SUCNR1: variants seen among roughly 807,000 people sequenced by gnomAD.
The protein encoded by SUCNR1 is G-protein coupled receptor 91.
SUCNR1 carries 5 observed loss-of-function variants against 2.4 expected under a neutral mutation model. That is an observed-to-expected ratio of 2.07 (90% CI 1.08 to 4.36). The LOEUF (loss-of-function observed/expected upper bound fraction) is 4.36, where lower values mean the gene tolerates loss of function less well. SUCNR1 is among the 30% of genes most tolerant of loss of function. The pLI is 0.00. For synonymous variants in SUCNR1, 162 were observed against 143.9 expected (o/e 1.13, Z -0.90); for missense variants, 373 against 399.2 (o/e 0.93, Z 0.56).
In SUCNR1 at chr3:151,880,625, A is replaced by AT. The variant is rs1308851452; in HGVS notation, c.88dup (p.Tyr30LeufsTer4). On this transcript the variant is annotated frameshift_variant, in exon 3 of 3. Transcript: ENST00000362032. LOFTEE classifies it low-confidence loss of function (END_TRUNC). ...TGCCCTGGAAAAGTACTACCTTTCCATTTTTTATGGGATTGAGTTCGTTGT... is the reference window on the plus strand; with the variant it reads ...TGCCCTGGAAAAGTACTACCTTTCCATTTTTTTATGGGATTGAGTTCGTTGT... 4 of 1,613,884 alleles carry AT rather than the reference A, an allele frequency of 2.5e-6. No individual in the cohort carries two copies. Among genetic ancestry groups the AT allele is most frequent in the East Asian group, 4.5e-5 (2 of 44,890 alleles).
At position 151,883,739 on chromosome 3, in the gene SUCNR1, T is replaced by C. The variant is rs1718172022; in HGVS notation, c.*2191T>C. The stretch of plus-strand genomic sequence containing the variant: ...TAAAGGAAATAATATTGAGCTTTTG[T>C]ATTTTGTCTTTTAATTGGCTCCCTG... On this transcript the variant is annotated 3_prime_UTR_variant, in exon 3 of 3. Coordinates refer to ENST00000362032, the MANE Select transcript of SUCNR1 (RefSeq NM_033050.6). 2 of 151,940 alleles carry C rather than the reference T, an allele frequency of 1.3e-5. No homozygotes were observed. Among genetic ancestry groups the C allele is most frequent in the Admixed American group, 6.6e-5 (1 of 15,246 alleles). The allele number at this position is 151,940 out of a possible 1,614,324, so 9.4% of individuals were successfully genotyped here. A position where few individuals can be genotyped will look rare whatever the true frequency, so the allele number is the denominator to read the frequency against.
rs1323041481 is a variant in SUCNR1 at position 151,882,871 on chromosome 3, A to T, written c.*1323A>T. 6.6e-6 allele frequency: 1 copy of T among 152,158 alleles called. No homozygotes were observed. Among genetic ancestry groups the T allele is most frequent in the Non-Finnish European group, 1.5e-5 (1 of 67,984 alleles). 9.4% of individuals were successfully genotyped at this position (152,158 alleles called of 1,614,324 possible). A position where few individuals can be genotyped will look rare whatever the true frequency, so the allele number is the denominator to read the frequency against. On this transcript the variant is annotated 3_prime_UTR_variant, in exon 3 of 3. Coordinates refer to ENST00000362032, the MANE Select transcript of SUCNR1 (RefSeq NM_033050.6). ...ACATAATAATTCCTTGATATGCAAC[A>T]TAAAGTACCTATGGCCACATATCTA...
intron 1 of SUCNR1, among the ~76,000 whole-genome samples, 191 bp downstream of exon 1, chr3:151,873,897 T>G (rs1475171825): frequency 6.6e-6 from 1 of 151,938 alleles, no homozygotes; most frequent in Non-Finnish European, 1.5e-5. Flanking sequence ...TTCAACAAAT[T>G]AACTGTCTTC....
chr3:151,883,632 T>C lies in SUCNR1; in HGVS notation c.*2084T>C, dbSNP rs1424957257. 1 of 151,664 alleles carries C rather than the reference T, an allele frequency of 6.6e-6. No homozygotes were observed. Among genetic ancestry groups the C allele is most frequent in the Non-Finnish European group, 1.5e-5 (1 of 67,852 alleles). The allele number at this position is 151,664 out of a possible 1,614,324, so 9.4% of individuals were successfully genotyped here. On this transcript the variant is annotated 3_prime_UTR_variant, in exon 3 of 3. Coordinates refer to ENST00000362032, the MANE Select transcript of SUCNR1 (RefSeq NM_033050.6). ...GGCCCTAAACTAAAATTATAAGAGC[T>C]ATTTCATTTGCTTGTTGTACTGGGT...
Position 151,881,291 on chromosome 3 carries a change from G to A in SUCNR1, c.748G>A (p.Val250Ile), listed in dbSNP as rs778527962. 34 of 1,614,024 alleles carry A rather than the reference G, an allele frequency of 2.1e-5. No individual in the cohort carries two copies. Among genetic ancestry groups the A allele is most frequent in the Middle Eastern group, 3.3e-4 (2 of 6,084 alleles). ...CTCTGTGCTTTTTACACCCTATCAC[G>A]TCATGCGGAATGTGAGGATCGCTTC... is the stretch of plus-strand genomic sequence containing the variant. ...IFSVLFTPYH[V>I]MRNVRIASRL... Residue 250 changes from valine (V) to isoleucine (I), a missense_variant, in exon 3 of 3, where the codon GTC becomes ATC. Val to Ile is a conservative substitution (Grantham distance 29). Around this residue, in one of 3 missense-constraint regions of SUCNR1, gnomAD observed 157 missense variants for 178.7 expected, o/e 0.88. Coordinates refer to ENST00000362032, the MANE Select transcript of SUCNR1 (RefSeq NM_033050.6).
Position 151,881,370 on chromosome 3 carries a change from T to C in SUCNR1, c.827T>C (p.Phe276Ser). Residue 276 changes from phenylalanine to serine, a missense_variant, in exon 3 of 3, where the codon TTT becomes TCT. By Grantham distance (155) the Phe-to-Ser change is radical. Transcript: ENST00000362032. ...TGCACTCAGGTCGTCATCAACTCCTTTTACATTGTGACACGGCCTTTGGCC... is the reference window on the plus strand; with the variant it reads ...TGCACTCAGGTCGTCATCAACTCCTCTTACATTGTGACACGGCCTTTGGCC... ...YQCTQVVINS[F>S]YIVTRPLAFL... The C allele has an allele frequency of 2.5e-6, 4 of 1,614,188 alleles. No individual in the cohort carries two copies. The highest frequency in any genetic ancestry group is 2.7e-5 in the African/African-American group (2 of 75,054).
chr3:151,878,788 A>G (rs919820141), intron 1 of SUCNR1, among the ~76,000 whole-genome samples: 9 of 152,188 alleles, frequency 5.9e-5, no homozygotes. Context: ...TATTAAACTT[A>G]TATCTACAAT....
rs1718077851 is a variant in SUCNR1, at chr3:151,880,982, T to A, written c.439T>A (p.Trp147Arg). The A allele has an allele frequency of 6.2e-7, 1 of 1,614,046 alleles. No individual in the cohort carries two copies. ...TGCTATTTTAATCTCCTTGGCCATT[T>A]GGGTTTTAGTAACCTTAGAGTTACT... ...EFAILISLAI[W>R]VLVTLELLPI... Residue 147 changes from tryptophan to arginine, a missense_variant, in exon 3 of 3, where the codon TGG (tryptophan) becomes AGG (arginine). By Grantham distance (101) the Trp-to-Arg change is moderately radical. Transcript: ENST00000362032.
In SUCNR1 at chr3:151,884,083, C is replaced by T. The variant is rs998614193; in HGVS notation, c.*2535C>T. 2 of 152,142 alleles carry T rather than the reference C, an allele frequency of 1.3e-5. No homozygotes were observed. Among genetic ancestry groups the T allele is most frequent in the African/African-American group, 4.8e-5 (2 of 41,430 alleles). The allele number at this position is 152,142 out of a possible 1,614,324, so 9.4% of individuals were successfully genotyped here. A position where few individuals can be genotyped will look rare whatever the true frequency, so the allele number is the denominator to read the frequency against. ...GGGGCTTCAGATACTTTTAATACTA[C>T]TTATTTGAATTTCATTATTTTTATT... On this transcript the variant is annotated 3_prime_UTR_variant, in exon 3 of 3. Coordinates refer to ENST00000362032, the MANE Select transcript of SUCNR1 (RefSeq NM_033050.6).
intron 1 of SUCNR1, among the ~76,000 whole-genome samples, chr3:151,877,467 T>C (rs759932030): frequency 7.9e-5 from 12 of 151,900 alleles, no homozygotes; most frequent in African/African-American, 1.7e-4. Flanking sequence ...TAGAGCAAAA[T>C]AGAGATAAGA....
Position 151,881,392 on chromosome 3 carries a change from G to T in SUCNR1, c.849G>T (p.Leu283Phe). The change falls in exon 3 of 3, where the codon TTG becomes TTT. Residue 283 changes from leucine (L) to phenylalanine (F), a missense_variant. Physicochemically the swap from Leu to Phe is conservative, Grantham distance 22. Around this residue, in one of 3 missense-constraint regions of SUCNR1, gnomAD observed 157 missense variants for 178.7 expected, o/e 0.88. Transcript: ENST00000362032. ...CCTTTTACATTGTGACACGGCCTTT[G>T]GCCTTTCTGAACAGTGTCATCAACC... is the stretch of plus-strand genomic sequence containing the variant. ...INSFYIVTRP[L>F]AFLNSVINPV... 1 of 1,614,134 alleles carries T rather than the reference G, an allele frequency of 6.2e-7. No homozygotes were observed. Among genetic ancestry groups the T allele is most frequent in the African/African-American group, 1.3e-5 (1 of 75,034 alleles).
At chr3:151,878,700 G>A (rs1717994850) in intron 1 of SUCNR1, among the ~76,000 whole-genome samples, 1 of 152,090 alleles carries the variant, frequency 6.6e-6, no homozygotes. Context: ...TTAGTGGCAG[G>A]TTGCCATAGA....
intron 1 of SUCNR1, 49 bp from the exon 2 acceptor site, chr3:151,879,803 C>A: frequency 1.2e-6 from 1 of 868,420 alleles, no homozygotes; most frequent in Non-Finnish European, 1.7e-6. Context: ...CAAGTAAAAG[C>A]TTAAAATAGT....
At position 151,881,040 on chromosome 3, in the gene SUCNR1, C is replaced by T. The variant is rs138549338; in HGVS notation, c.497C>T (p.Thr166Ile). The T allele has an allele frequency of 2.3e-5, 37 of 1,614,176 alleles. No individual in the cohort carries two copies. In the African/African-American group the frequency reaches 4.3e-4, roughly 19 times the overall value. Reference sequence around the variant, plus strand: ...CTTCCCCTTATAAATCCTGTTATAACTGACAATGGCACCACCTGTAATGAT... The same window carrying T: ...CTTCCCCTTATAAATCCTGTTATAATTGACAATGGCACCACCTGTAATGAT... ...PILPLINPVI[T>I]DNGTTCNDFA... Residue 166 changes from threonine (T) to isoleucine (I), a missense_variant, in exon 3 of 3, where the codon ACT becomes ATT. Physicochemically the swap from Thr to Ile is moderately conservative, Grantham distance 89. Coordinates refer to ENST00000362032, the MANE Select transcript of SUCNR1 (RefSeq NM_033050.6).
In SUCNR1 at chr3:151,881,230, G is replaced by A; in HGVS notation, c.687G>A (p.Lys229=). 6.2e-7 allele frequency: 1 copy of A among 1,614,168 alleles called. No individual in the cohort carries two copies. The highest frequency in any genetic ancestry group is 1.3e-5 in the African/African-American group (1 of 75,032). ...RQVATALPLE[K]PLNLVIMAVV... Reference sequence around the variant, plus strand: ...TTGCTACTGCTCTGCCCCTTGAAAAGCCTCTCAACTTGGTCATCATGGCAG... The same window carrying A: ...TTGCTACTGCTCTGCCCCTTGAAAAACCTCTCAACTTGGTCATCATGGCAG... Residue 229 remains lysine, a synonymous_variant, in exon 3 of 3, where the codon AAG becomes AAA. Transcript: ENST00000362032.
rs1290325425 is a variant in SUCNR1 at position 151,883,929 on chromosome 3, G to T, written c.*2381G>T. On this transcript the variant is annotated 3_prime_UTR_variant, in exon 3 of 3. Coordinates refer to ENST00000362032, the MANE Select transcript of SUCNR1 (RefSeq NM_033050.6). ...CTTTGTTCACCTGTTGCCCATCTTT[G>T]TTCTATCATACCTGAATGGTATAAT... 1 of 152,010 alleles carries T rather than the reference G, an allele frequency of 6.6e-6. No individual in the cohort carries two copies. The highest frequency in any genetic ancestry group is 2.4e-5 in the African/African-American group (1 of 41,368). 9.4% of individuals were successfully genotyped at this position (152,010 alleles called of 1,614,324 possible).
chr3:151,875,361 G>A (rs1717891682), intron 1 of SUCNR1, among the ~76,000 whole-genome samples: 1 of 152,014 alleles, frequency 6.6e-6, no homozygotes, highest in Non-Finnish European at 1.5e-5. Flanking sequence ...GAATTGCGAT[G>A]CCACACTAAA....
At chr3:151,874,724 T>G (rs1426394035) in intron 1 of SUCNR1, among the ~76,000 whole-genome samples, 1 of 152,158 alleles carries the variant, frequency 6.6e-6, no homozygotes, top group Non-Finnish European at 1.5e-5. Flanking sequence ...TAATTTCTGG[T>G]GTAATGTATG....
chr3:151,880,972 C>T lies in SUCNR1; in HGVS notation c.429C>T (p.Ser143=). 1.2e-6 allele frequency: 2 copies of T among 1,614,076 alleles called. No individual in the cohort carries two copies. Among genetic ancestry groups the T allele is most frequent in the Non-Finnish European group, 1.7e-6 (2 of 1,179,998 alleles). The change falls in exon 3 of 3, where the codon TCC becomes TCT. Residue 143 remains serine (S), a synonymous_variant. Transcript: ENST00000362032. The stretch of plus-strand genomic sequence containing the variant: ...AGAAAGAGTTTGCTATTTTAATCTC[C>T]TTGGCCATTTGGGTTTTAGTAACCT... ...LQKKEFAILI[S]LAIWVLVTLE...
Sources: allele counts gnomAD v4.1 joint callset (sites outside exome capture counted in the v4.1 genomes callset), GRCh38; gene constraint gnomAD v4.1.1; regional missense constraint gnomAD v4.1.1; transcripts MANE v1.5; gene names NCBI Gene and HGNC (gene_info 2026-07-23, HGNC 2026-07-21).